MYF6: variants seen among roughly 807,000 people sequenced by gnomAD.
MYF6 encodes the protein class C basic helix-loop-helix protein 4.
A neutral mutation model predicts 21.7 loss-of-function variants in MYF6; 20 were observed. The ratio of observed to expected loss-of-function variants is 0.92; its 90% CI spans 0.65 to 1.34. The LOEUF (loss-of-function observed/expected upper bound fraction) is 1.34. Among genes scored for constraint, MYF6 ranks in the 40% most tolerant of loss-of-function variants. MYF6 has a pLI of 0.00. For missense variants in MYF6, 320 were observed against 304.1 expected (o/e 1.05, Z -0.39); for synonymous variants, 124 against 124.7 (o/e 0.99, Z 0.04).
chr12:80,708,450 C>A, intron 1 of MYF6, 74 bp from the exon 2 acceptor site: 1 of 1,425,948 alleles, frequency 7.0e-7, no homozygotes. Context: ...GCAGGAAAGC[C>A]GCCCCCCACC....
chr12:80,708,049 C>G lies in MYF6; in HGVS notation c.330C>G (p.Asn110Lys). The G allele has an allele frequency of 4.3e-6, 7 of 1,614,186 alleles. No individual in the cohort carries two copies. Among genetic ancestry groups the G allele is most frequent in the Non-Finnish European group, 5.1e-6 (6 of 1,180,044 alleles). ...AAAGGAGGAGGCTAAAGAAAATCAACGAGGCCTTCGAGGCACTGAAGCGGC... is the reference window on the plus strand; with the variant it reads ...AAAGGAGGAGGCTAAAGAAAATCAAGGAGGCCTTCGAGGCACTGAAGCGGC... Reference protein sequence around the residue: ...LRERRRLKKINEAFEALKRRT... With the variant: ...LRERRRLKKIKEAFEALKRRT... Residue 110 changes from asparagine to lysine, a missense_variant, in exon 1 of 3, where the codon AAC (asparagine) becomes AAG (lysine). Transcript: ENST00000228641.
At position 80,707,865 on chromosome 12, in the gene MYF6, C is replaced by T. The variant is rs756622172; in HGVS notation, c.146C>T (p.Pro49Leu). Residue 49 changes from proline to leucine, a missense_variant, in exon 1 of 3, where the codon CCC becomes CTC. Coordinates refer to ENST00000228641, the MANE Select transcript of MYF6 (RefSeq NM_002469.3). ...GTLSPCQDQM[P>L]PEAGSDSSGE... ...TTGTCCCCCTGCCAGGACCAAATGCCCCCGGAAGCGGGGAGCGACAGCAGC... is the reference window on the plus strand; with the variant it reads ...TTGTCCCCCTGCCAGGACCAAATGCTCCCGGAAGCGGGGAGCGACAGCAGC... 6 of 1,614,064 alleles carry T rather than the reference C, an allele frequency of 3.7e-6. No homozygotes were observed. The highest frequency in any genetic ancestry group is 5.1e-6 in the Non-Finnish European group (6 of 1,180,040).
chr12:80,708,861 G>A lies in MYF6; in HGVS notation c.630G>A (p.Ser210=). 3 of 1,614,150 alleles carry A rather than the reference G, an allele frequency of 1.9e-6. No homozygotes were observed. Among genetic ancestry groups the A allele is most frequent in the Non-Finnish European group, 2.5e-6 (3 of 1,179,970 alleles). ...GCTCAGGAGGAGCAAGTATTGATTCGTCAGCCTCGAGTAGCCTTCGATGCC... is the reference window on the plus strand; with the variant it reads ...GCTCAGGAGGAGCAAGTATTGATTCATCAGCCTCGAGTAGCCTTCGATGCC... The part of the protein sequence containing the change: ...TAKEGGASID[S]SASSSLRCLS... Residue 210 remains serine (S), a synonymous_variant, in exon 3 of 3, where the codon TCG becomes TCA. Coordinates refer to ENST00000228641, the MANE Select transcript of MYF6 (RefSeq NM_002469.3).
At position 80,709,061 on chromosome 12, in the gene MYF6, A is replaced by G. The variant is rs916251686; in HGVS notation, c.*101A>G. 6 of 968,810 alleles carry G rather than the reference A, an allele frequency of 6.2e-6. No homozygotes were observed. The highest frequency in any genetic ancestry group is 9.7e-6 in the Non-Finnish European group (6 of 619,394). The allele number at this position is 968,810 out of a possible 1,614,324, so 60.0% of individuals were successfully genotyped here. ...AGGTCACATTACATTAACATTTAGG[A>G]ACCCAGACCGAAAAGTTGCTGAAAG... On this transcript the variant is annotated 3_prime_UTR_variant, in exon 3 of 3. Transcript: ENST00000228641.
rs1166240834 is a variant in MYF6, at chr12:80,708,925, A to T, written c.694A>T (p.Lys232Ter). The T allele has an allele frequency of 6.2e-7, 1 of 1,614,188 alleles. No homozygotes were observed. The highest frequency in any genetic ancestry group is 1.1e-5 in the South Asian group (1 of 91,086). ...GGACAGTATTTCCTCGGAGGAACGC[A>T]AACTCCCCTGCGTGGAGGAAGTGGT... ...IVDSISSEER[K>*]LPCVEEVVEK The change falls in exon 3 of 3, where the codon AAA (lysine) becomes TAA (stop). Residue 232 changes from lysine to a stop codon, truncating the protein, a stop_gained. Coordinates refer to ENST00000228641, the MANE Select transcript of MYF6 (RefSeq NM_002469.3). LOFTEE classifies it high-confidence loss of function.
Position 80,707,834 on chromosome 12 carries a change from G to A in MYF6, c.115G>A (p.Gly39Ser). The A allele has an allele frequency of 1.9e-6, 3 of 1,614,144 alleles. No homozygotes were observed. The South Asian group carries it at 3.3e-5, about 18-fold the overall frequency. The stretch of plus-strand genomic sequence containing the variant: ...CTCTCCTTTGTATCCAGGGAGTGAT[G>A]GTACCTTGTCCCCCTGCCAGGACCA... ...EGSPLYPGSD[G>S]TLSPCQDQMP... The change falls in exon 1 of 3, where the codon GGT becomes AGT. Residue 39 changes from glycine to serine, a missense_variant. Coordinates refer to ENST00000228641, the MANE Select transcript of MYF6 (RefSeq NM_002469.3).
At chr12:80,708,409 T>G in intron 1 of MYF6, 115 bp from the exon 2 acceptor site, 1 of 1,396,268 alleles carries the variant, frequency 7.2e-7, no homozygotes, top group Non-Finnish European at 1.0e-6. Context: ...GTGCTTGCAA[T>G]AGGCAGGAAA....
chr12:80,708,663 A>AT (rs1868417307), intron 2 of MYF6, 49 bp downstream of exon 2: 2 of 1,589,424 alleles, frequency 1.3e-6, no homozygotes, highest in Non-Finnish European at 1.7e-6. Context: ...CGGGAGGTGG[A>AT]TAGGATGCTT....
At position 80,707,897 on chromosome 12, in the gene MYF6, G is replaced by C. The variant is rs1215292338; in HGVS notation, c.178G>C (p.Glu60Gln). The C allele has an allele frequency of 1.2e-6, 2 of 1,614,146 alleles. No homozygotes were observed. Among genetic ancestry groups the C allele is most frequent in the Non-Finnish European group, 1.7e-6 (2 of 1,180,026 alleles). Residue 60 changes from glutamate to glutamine, a missense_variant, in exon 1 of 3, where the codon GAA becomes CAA. By Grantham distance (29) the Glu-to-Gln change is conservative (BLOSUM62 2). Transcript: ENST00000228641. Reference protein sequence around the residue: ...PEAGSDSSGEEHVLAPPGLQP... With the variant: ...PEAGSDSSGEQHVLAPPGLQP... ...AGCGGGGAGCGACAGCAGCGGAGAG[G>C]AACATGTCCTGGCGCCCCCGGGCCT...
rs1013493242 is a variant in MYF6, at chr12:80,708,230, C to G, written c.511C>G (p.Gln171Glu). 6 of 1,610,792 alleles carry G rather than the reference C, an allele frequency of 3.7e-6. No individual in the cohort carries two copies. The highest frequency in any genetic ancestry group is 4.5e-5 in the East Asian group (2 of 44,846). The change falls in exon 1 of 3, where the codon CAA becomes GAA. Residue 171 changes from glutamine (Q) to glutamate (E), a missense_variant. By Grantham distance (29) the Gln-to-Glu change is conservative. Coordinates refer to ENST00000228641, the MANE Select transcript of MYF6 (RefSeq NM_002469.3). The stretch of plus-strand genomic sequence containing the variant: ...GGACCCCTTCAGCTACAGACCCAAA[C>G]AAGAAAATGTAAGCCTAGATGCTGC... ...GVDPFSYRPK[Q>E]ENLEGADFLR...
Position 80,707,729 on chromosome 12 carries a change from G to A in MYF6, c.10G>A (p.Asp4Asn), listed in dbSNP as rs748635316. 7 of 1,614,048 alleles carry A rather than the reference G, an allele frequency of 4.3e-6. No individual in the cohort carries two copies. The African/African-American group carries it at 9.3e-5, about 22-fold the overall frequency. The change falls in exon 1 of 3, where the codon GAC becomes AAC. Residue 4 changes from aspartate (D) to asparagine (N), a missense_variant. Transcript: ENST00000228641. The part of the protein sequence containing the change: MMM[D>N]LFETGSYFFY... ...GGCCAAGGAGGAGAACATGATGATG[G>A]ACCTTTTTGAAACTGGCTCCTATTT... is the stretch of plus-strand genomic sequence containing the variant.
rs1049427657 is a variant in MYF6 at position 80,708,254 on chromosome 12, G to C, written c.519+16G>C. On this transcript the variant is annotated intron_variant, in intron 1 of 2. Coordinates refer to ENST00000228641, the MANE Select transcript of MYF6 (RefSeq NM_002469.3). ...ACAAGAAAATGTAAGCCTAGATGCTGCCGGGGCAGGGAAATGCGAAGGCTG... is the reference window on the plus strand; with the variant it reads ...ACAAGAAAATGTAAGCCTAGATGCTCCCGGGGCAGGGAAATGCGAAGGCTG... 3 of 1,604,298 alleles carry C rather than the reference G, an allele frequency of 1.9e-6. No individual in the cohort carries two copies. Among genetic ancestry groups the C allele is most frequent in the Non-Finnish European group, 2.5e-6 (3 of 1,177,962 alleles).
rs922293877 is a variant in MYF6, at chr12:80,708,379, C to G, written c.519+141C>G. 9 of 1,413,470 alleles carry G rather than the reference C, an allele frequency of 6.4e-6. No homozygotes were observed. In the African/African-American group the frequency reaches 9.9e-5, roughly 16 times the overall value. The allele number at this position is 1,413,470 out of a possible 1,614,324, so 87.6% of individuals were successfully genotyped here. On this transcript the variant is annotated intron_variant, in intron 1 of 2. Transcript: ENST00000228641. Reference sequence around the variant, plus strand: ...TCCCGCTCCGTCTCTAATGAACCCCCAGTGACCCAAGAAGACCGGGTGCTT... The same window carrying G: ...TCCCGCTCCGTCTCTAATGAACCCCGAGTGACCCAAGAAGACCGGGTGCTT...
At chr12:80,708,272 G>T (rs751574066) in intron 1 of MYF6, 34 bp downstream of exon 1, 2 of 1,595,602 alleles carry the variant, frequency 1.3e-6, no homozygotes, top group South Asian at 1.1e-5. Context: ...AGGGAAATGC[G>T]AAGGCTGATT....
chr12:80,708,746 G>A (rs1868419383), intron 2 of MYF6, 96 bp from the exon 3 acceptor site: 1 of 1,517,268 alleles, frequency 6.6e-7, no homozygotes, highest in Non-Finnish European at 9.2e-7. Flanking sequence ...CCGGGACCAG[G>A]CCTTTCCTCG....
intron 1 of MYF6, 130 bp from the exon 2 acceptor site, chr12:80,708,394 A>C: frequency 7.1e-7 from 1 of 1,398,906 alleles, no homozygotes; most frequent in Middle Eastern, 2.4e-4. Context: ...ACCCAAGAAG[A>C]CCGGGTGCTT....
chr12:80,708,075 G>A lies in MYF6; in HGVS notation c.356G>A (p.Arg119Gln), dbSNP rs747205109. Residue 119 changes from arginine to glutamine, a missense_variant, in exon 1 of 3, where the codon CGA becomes CAA. Transcript: ENST00000228641. ...INEAFEALKRRTVANPNQRLP... is the reference protein window; with the variant it reads ...INEAFEALKRQTVANPNQRLP... ...GAGGCCTTCGAGGCACTGAAGCGGC[G>A]AACTGTGGCCAACCCCAACCAGAGG... The A allele has an allele frequency of 1.9e-6, 3 of 1,614,166 alleles. No individual in the cohort carries two copies. The highest frequency in any genetic ancestry group is 2.5e-6 in the Non-Finnish European group (3 of 1,180,032).
Position 80,708,936 on chromosome 12 carries a change from C to A in MYF6, c.705C>A (p.Cys235Ter), listed in dbSNP as rs1396299542. The A allele has an allele frequency of 3.7e-6, 6 of 1,613,814 alleles. No individual in the cohort carries two copies. Among genetic ancestry groups the A allele is most frequent in the African/African-American group, 1.3e-5 (1 of 74,920 alleles). ...SISSEERKLP[C>*]VEEVVEK ...CCTCGGAGGAACGCAAACTCCCCTG[C>A]GTGGAGGAAGTGGTGGAGAAGTAAC... Residue 235 changes from cysteine to a stop codon, truncating the protein, a stop_gained, in exon 3 of 3, where the codon TGC becomes TGA. Transcript: ENST00000228641. LOFTEE classifies it high-confidence loss of function.
Position 80,708,630 on chromosome 12 carries a change from T to A in MYF6, c.610+16T>A. The A allele has an allele frequency of 6.2e-7, 1 of 1,611,588 alleles. No individual in the cohort carries two copies. On this transcript the variant is annotated intron_variant, in intron 2 of 2. Coordinates refer to ENST00000228641, the MANE Select transcript of MYF6 (RefSeq NM_002469.3). ...GCTAAGGAAGGTAAAGTAAAAGGGC[T>A]CTGGGCCGCACCAGAGAAAATCCGG...
Sources: gnomAD v4.1 joint callset for allele counts on GRCh38, gnomAD v4.1.1 for gene constraint, MANE v1.5 for transcripts, NCBI Gene and HGNC (gene_info 2026-07-23, HGNC 2026-07-21) for gene names.